Variants in SFI1 observed in about 807,000 individuals in gnomAD.
SFI1 encodes SFI1 centrin binding protein.
In SFI1, 195 loss-of-function variants were observed where a neutral mutation model predicts 207.5. The ratio of observed to expected loss-of-function variants is 0.94; its 90% CI spans 0.84 to 1.06. The LOEUF is 1.06. SFI1 is among the 50% of genes least tolerant of loss of function. The pLI, the probability that SFI1 is intolerant of heterozygous loss-of-function variation, is 0.00. For synonymous variants in SFI1, 630 were observed against 598.9 expected (o/e 1.05, Z -0.76); for missense variants, 1,634 against 1,588.0 (o/e 1.03, Z -0.49).
intron 23 of SFI1, 37 bp downstream of exon 23, chr22:31,611,340 G>C (rs778549916): frequency 1.9e-6 from 3 of 1,556,806 alleles, no homozygotes; most frequent in East Asian, 2.3e-5. Flanking sequence ...AGTTCTGCCT[G>C]CCTGGCAAGG....
intron 4 of SFI1, among the ~76,000 whole-genome samples, chr22:31,545,952 G>GT (rs745529537): frequency 6.7e-6 from 1 of 148,440 alleles, no homozygotes; most frequent in Non-Finnish European, 1.5e-5. Flanking sequence ...GAGTACAGTG[G>GT]TGCAATCTCA....
At chr22:31,531,834 G>A (rs1228361131) in intron 4 of SFI1, among the ~76,000 whole-genome samples, 2 of 150,786 alleles carry the variant, frequency 1.3e-5, no homozygotes, top group African/African-American at 2.4e-5. Flanking sequence ...CGGAGGTTGC[G>A]ATGAGCCAAG....
intron 2 of SFI1, among the ~76,000 whole-genome samples, chr22:31,527,602 A>G (rs1276997219): frequency 6.6e-6 from 1 of 152,072 alleles, no homozygotes; most frequent in Non-Finnish European, 1.5e-5. Flanking sequence ...TTTAAAAAGT[A>G]TATTAAACTT....
At chr22:31,526,396 C>T (rs1211664925) in intron 2 of SFI1, among the ~76,000 whole-genome samples, 1 of 152,088 alleles carries the variant, frequency 6.6e-6, no homozygotes, top group African/African-American at 2.4e-5. Context: ...CATATAAAAC[C>T]ATCAGATCTC....
chr22:31,546,851 T>C lies in SFI1; in HGVS notation c.339-10T>C, dbSNP rs200117147. The C allele has an allele frequency of 6.5e-7, 1 of 1,544,442 alleles. No homozygotes were observed. Among genetic ancestry groups the C allele is most frequent in the Non-Finnish European group, 8.9e-7 (1 of 1,126,892 alleles). The stretch of plus-strand genomic sequence containing the variant: ...CATCATATATATATATGATTTTTTT[T>C]TTGCCGTAGATTTTACTATGAGCAG... On this transcript the variant is annotated splice_polypyrimidine_tract_variant and intron_variant, in intron 4 of 32. Coordinates refer to ENST00000400288, the MANE Select transcript of SFI1 (RefSeq NM_001007467.3).
chr22:31,615,630 C>T, intron 29 of SFI1: 1 of 215,418 alleles, frequency 4.6e-6, no homozygotes, highest in Non-Finnish European at 9.1e-6. Context: ...AGGGTTTTGG[C>T]AGGGAGCACC....
chr22:31,611,919 C>T, intron 24 of SFI1, 79 bp downstream of exon 24: 1 of 1,576,694 alleles, frequency 6.3e-7, no homozygotes, highest in Admixed American at 1.8e-5. Context: ...GAATGACCTT[C>T]AGCCTACACC....
At position 31,613,377 on chromosome 22, in the gene SFI1, T is replaced by A; in HGVS notation, c.2589T>A (p.Phe863Leu). 1 of 1,611,348 alleles carries A rather than the reference T, an allele frequency of 6.2e-7. No individual in the cohort carries two copies. The change falls in exon 26 of 33, where the codon TTT becomes TTA. Residue 863 changes from phenylalanine (F) to leucine (L), a missense_variant. Transcript: ENST00000400288. ...AGGTGTGGGCCACGTGGCTGGCCTT[T>A]GTACTGGAAAGGAGGAGAAAGAAGG... The part of the protein sequence containing the change: ...QAKVWATWLA[F>L]VLERRRKKAR...
intron 17 of SFI1, 147 bp from the exon 18 acceptor site, chr22:31,603,597 C>A: frequency 1.8e-6 from 1 of 566,796 alleles, no homozygotes; most frequent in Non-Finnish European, 2.8e-6. Context: ...TTTTCTGAGA[C>A]TGCAAGTTCT....
At chr22:31,604,817 CA>C (rs1296641013) in intron 19 of SFI1, 51 bp from the exon 20 acceptor site, 1 of 1,547,516 alleles carries the variant, frequency 6.5e-7, no homozygotes, top group South Asian at 1.1e-5. Flanking sequence ...CCTGCCTAAA[CA>C]GGGGGAAGTG....
In SFI1 at chr22:31,611,219, G is replaced by A; in HGVS notation, c.2331G>A (p.Arg777=). The change falls in exon 23 of 33, where the codon AGG becomes AGA. Residue 777 remains arginine (R), a synonymous_variant. Transcript: ENST00000400288. ...RSAQQRLQLE[R]AVQHHHRQLL... ...CCCAGCAGAGACTGCAGCTGGAGAG[G>A]GCAGTGCAACACCACCACCGGCAGC... is the stretch of plus-strand genomic sequence containing the variant. The A allele has an allele frequency of 6.2e-7, 1 of 1,613,970 alleles. No homozygotes were observed. Among genetic ancestry groups the A allele is most frequent in the South Asian group, 1.1e-5 (1 of 91,064 alleles).
At chr22:31,505,059 G>C (rs893170296) in intron 1 of SFI1, among the ~76,000 whole-genome samples, 1 of 151,818 alleles carries the variant, frequency 6.6e-6, no homozygotes, top group African/African-American at 2.4e-5. Flanking sequence ...AAGAAAAATA[G>C]TAATAATAAT....
chr22:31,567,519 G>C (rs2062442504), intron 8 of SFI1, among the ~76,000 whole-genome samples: 2 of 151,870 alleles, frequency 1.3e-5, no homozygotes, highest in African/African-American at 4.8e-5. Flanking sequence ...GCTGCTTTTG[G>C]GGTAAGAAAG....
Position 31,498,649 on chromosome 22 carries a change from T to TAA in SFI1, c.-31+2025_-31+2026dup, listed in dbSNP as rs35069980. Among the ~76,000 whole-genome samples the TAA allele has an allele frequency of 6.3e-3, 910 of 143,644 alleles. 12 individuals are homozygous for TAA. The highest frequency in any genetic ancestry group is 0.022 in the African/African-American group (836 of 38,864). 94.2% of individuals were successfully genotyped at this position (143,644 alleles called of 152,430 possible). On this transcript the variant is annotated intron_variant, in intron 1 of 32. Coordinates refer to ENST00000400288, the MANE Select transcript of SFI1 (RefSeq NM_001007467.3). ...CTGGGCGACAGAGCAAGACTCCGTC[T>TAA]AAAAAAAAAAAAAATCATTAAAAGG...
intron 6 of SFI1, among the ~76,000 whole-genome samples, chr22:31,551,515 A>G (rs1215876073): frequency 6.6e-6 from 1 of 152,130 alleles, no homozygotes; most frequent in Non-Finnish European, 1.5e-5. Flanking sequence ...TTTGTTGTTT[A>G]TTTTTTTAAT....
intron 31 of SFI1, among the ~76,000 whole-genome samples, chr22:31,617,635 C>T (rs775841868): frequency 2.0e-5 from 3 of 151,806 alleles, no homozygotes; most frequent in Admixed American, 6.6e-5. Flanking sequence ...GCAGAAGAAT[C>T]GCTTCAACCT....
chr22:31,538,963 C>CCATA (rs1705536826), intron 4 of SFI1, among the ~76,000 whole-genome samples: 1 of 152,086 alleles, frequency 6.6e-6, no homozygotes, highest in African/African-American at 2.4e-5. Flanking sequence ...GGGTGTCACA[C>CCATA]CATAGTATGC....
At chr22:31,566,120 A>ATTTTT (rs59506981) in intron 8 of SFI1, among the ~76,000 whole-genome samples, 1 of 139,488 alleles carries the variant, frequency 7.2e-6, no homozygotes, top group African/African-American at 2.6e-5. Context: ...TTCTTTTTCT[A>ATTTTT]TTTTTTTTTT....
intron 15 of SFI1, among the ~76,000 whole-genome samples, chr22:31,591,599 T>G (rs1378730256): frequency 8.1e-6 from 1 of 123,862 alleles, no homozygotes; most frequent in African/African-American, 3.4e-5. Flanking sequence ...GCAGGGGGGC[T>G]GACCCCCCCC....
Sources: allele counts gnomAD v4.1 joint callset (sites outside exome capture counted in the v4.1 genomes callset), GRCh38; gene constraint gnomAD v4.1.1; transcripts MANE v1.5; gene names NCBI Gene and HGNC (gene_info 2026-07-23, HGNC 2026-07-21).